SLC14A2: variants seen among roughly 807,000 people sequenced by gnomAD.
SLC14A2 encodes urea transporter 2.
A neutral mutation model predicts 104.6 loss-of-function variants in SLC14A2; 91 were observed. The observed-to-expected ratio is 0.87, with a 90% CI of 0.73 to 1.04. SLC14A2 has a LOEUF of 1.04. Ranked by LOEUF, SLC14A2 falls within the 50% of genes least tolerant of loss-of-function variation. The probability of loss-of-function intolerance (pLI) is 0.00; values close to 1 mark genes in which losing one functional copy is unlikely to be tolerated. For synonymous variants in SLC14A2, 476 were observed against 466.4 expected (o/e 1.02, Z -0.27); for missense variants, 1,189 against 1,156.0 (o/e 1.03, Z -0.41).
chr18:45,265,488 C>T (rs2084583163), intron 1 of SLC14A2, among the ~76,000 whole-genome samples: 1 of 152,100 alleles, frequency 6.6e-6, no homozygotes, highest in Non-Finnish European at 1.5e-5. Flanking sequence ...ATAACACATC[C>T]CTTCATAACC....
intron 1 of SLC14A2, among the ~76,000 whole-genome samples, chr18:45,469,922 C>T (rs1028268723): frequency 3.9e-5 from 6 of 152,118 alleles, no homozygotes; most frequent in Non-Finnish European, 7.3e-5. Context: ...GGAATGGTAG[C>T]AGGGAGAAGA....
intron 11 of SLC14A2, among the ~76,000 whole-genome samples, chr18:45,664,433 G>A (rs374126450): frequency 6.6e-6 from 1 of 152,226 alleles, no homozygotes; most frequent in African/African-American, 2.4e-5. Context: ...AAATTTGGAC[G>A]TGGAAGCTGA....
intron 1 of SLC14A2, among the ~76,000 whole-genome samples, chr18:45,278,301 G>C (rs1321727853): frequency 1.3e-5 from 2 of 152,102 alleles, no homozygotes; most frequent in South Asian, 2.1e-4. Context: ...CTGATATTTG[G>C]GGTCGGATAA....
intron 1 of SLC14A2, among the ~76,000 whole-genome samples, chr18:45,372,802 G>A (rs1015938270): frequency 1.2e-4 from 19 of 152,040 alleles, no homozygotes; most frequent in Admixed American, 8.5e-4. Context: ...TAGTATCCAC[G>A]TTTTTTAAAG....
chr18:45,345,759 T>C (rs1459063545), intron 1 of SLC14A2, among the ~76,000 whole-genome samples: 1 of 152,252 alleles, frequency 6.6e-6, no homozygotes, highest in Non-Finnish European at 1.5e-5. Context: ...TTTTCAATTG[T>C]ATACTATGCA....
intron 5 of SLC14A2, chr18:45,634,838 A>T (rs1413594226): frequency 8.7e-6 from 4 of 457,202 alleles, no homozygotes; most frequent in African/African-American, 2.0e-5. Context: ...GACGGATTTT[A>T]ACTGGAGTAA....
At chr18:45,587,070 G>T (rs890276967) in intron 2 of SLC14A2, among the ~76,000 whole-genome samples, 1 of 152,016 alleles carries the variant, frequency 6.6e-6, no homozygotes, top group African/African-American at 2.4e-5. Context: ...TCACTCTCAG[G>T]TTCAAGCGAT....
At chr18:45,399,386 A>C (rs2086071062) in intron 1 of SLC14A2, among the ~76,000 whole-genome samples, 1 of 152,206 alleles carries the variant, frequency 6.6e-6, no homozygotes, top group African/African-American at 2.4e-5. Flanking sequence ...GAAGGAATGC[A>C]GCCCTTGAAG....
intron 18 of SLC14A2, among the ~76,000 whole-genome samples, 185 bp from the exon 19 acceptor site, chr18:45,678,790 A>G (rs79667145): frequency 0.01 from 1,580 of 152,260 alleles, 37 homozygotes; most frequent in African/African-American, 0.034. Context: ...TTGCTGCACC[A>G]GCATTTGCAT....
chr18:45,629,232 T>C (rs904064738), intron 4 of SLC14A2, among the ~76,000 whole-genome samples: 11 of 152,264 alleles, frequency 7.2e-5, no homozygotes, highest in African/African-American at 2.2e-4. Context: ...TGGTGAGAAG[T>C]TGCTCATGCA....
intron 2 of SLC14A2, among the ~76,000 whole-genome samples, chr18:45,527,295 G>A (rs559752937): frequency 2.6e-5 from 4 of 152,290 alleles, no homozygotes; most frequent in Admixed American, 1.3e-4. Flanking sequence ...CCGAGATGAC[G>A]CTAACAAATC....
At chr18:45,435,940 TCACAATCAAAGAG>T (rs1306116226) in intron 1 of SLC14A2, among the ~76,000 whole-genome samples, 1 of 152,114 alleles carries the variant, frequency 6.6e-6, no homozygotes, top group Non-Finnish European at 1.5e-5. Flanking sequence ...TCTCAAAAAC[TCACAATCAAAGAG>T]CACAGGACAG....
chr18:45,666,050 C>T (rs536677845), intron 11 of SLC14A2, 87 bp from the exon 12 acceptor site: 7 of 896,014 alleles, frequency 7.8e-6, no homozygotes, highest in Admixed American at 3.5e-5. Context: ...ATAATCTTAA[C>T]ACCTCTTGAG....
chr18:45,179,129 T>C, the SLC14A2 span, among the ~76,000 whole-genome samples: 13 of 152,314 alleles, frequency 8.5e-5, no homozygotes, highest in African/African-American at 3.1e-4. Flanking sequence ...TTGCTTCCTC[T>C]TTAGCCTCTT....
chr18:45,479,194 C>T (rs745762567), intron 1 of SLC14A2, among the ~76,000 whole-genome samples: 2 of 152,208 alleles, frequency 1.3e-5, no homozygotes, highest in Non-Finnish European at 2.9e-5. Context: ...ATCTTAACAA[C>T]ACTGTCTTAA....
chr18:45,680,280 T>C (rs540370350), intron 19 of SLC14A2, among the ~76,000 whole-genome samples: 3 of 152,364 alleles, frequency 2.0e-5, no homozygotes, highest in African/African-American at 7.2e-5. Context: ...GAAGCTGCGA[T>C]TCCTGATCAT....
chr18:45,659,423 A>C (rs971077079), intron 10 of SLC14A2, among the ~76,000 whole-genome samples: 2 of 152,222 alleles, frequency 1.3e-5, no homozygotes, highest in Non-Finnish European at 2.9e-5. Context: ...GGGTTTCACA[A>C]CCAGACGGAA....
At chr18:45,305,772 T>G (rs1001472837) in intron 1 of SLC14A2, among the ~76,000 whole-genome samples, 1 of 152,198 alleles carries the variant, frequency 6.6e-6, no homozygotes, top group African/African-American at 2.4e-5. Context: ...AAAACTGCAT[T>G]TTTATGACTC....
the SLC14A2 span, among the ~76,000 whole-genome samples, chr18:45,177,203 C>A: frequency 2.0e-5 from 3 of 152,046 alleles, no homozygotes; most frequent in African/African-American, 7.2e-5. Context: ...ACTCAACTAC[C>A]CTGGTAGAAG....
Sources: allele counts gnomAD v4.1 joint callset (sites outside exome capture counted in the v4.1 genomes callset), GRCh38; gene constraint gnomAD v4.1.1; transcripts MANE v1.5; gene names NCBI Gene and HGNC (gene_info 2026-07-23, HGNC 2026-07-21).